The following UBXN2A variants were observed in gnomAD, a reference collection of about 807,000 sequenced individuals.
UBXN2A encodes the protein UBX domain-containing protein 2A.
In UBXN2A, 28 loss-of-function variants were observed where a neutral mutation model predicts 28.4. That is an observed-to-expected ratio of 0.99 (90% CI 0.73 to 1.35). UBXN2A has a LOEUF of 1.35. Ranked by LOEUF, UBXN2A falls within the 40% of genes most tolerant of loss-of-function variation. UBXN2A has a pLI of 0.00. For missense variants in UBXN2A, 253 were observed against 297.9 expected (o/e 0.85, Z 1.11); for synonymous variants, 97 against 103.6 (o/e 0.94, Z 0.39).
At chr2:23,977,565 C>T (rs1056208999) in intron 4 of UBXN2A, among the ~76,000 whole-genome samples, 1 of 150,952 alleles carries the variant, frequency 6.6e-6, no homozygotes, top group African/African-American at 2.4e-5. Flanking sequence ...CACTTGAACC[C>T]GAGAGGCGGA....
intron 1 of UBXN2A, among the ~76,000 whole-genome samples, chr2:23,954,782 G>T (rs1173069293): frequency 2.1e-5 from 3 of 145,442 alleles, no homozygotes; most frequent in East Asian, 4.0e-4. Flanking sequence ...TTAAGAGACA[G>T]ATTCTTGCTC....
rs544852548 is a variant in UBXN2A at position 23,987,181 on chromosome 2, A to T, written c.584+2350A>T. ...ATGTAATTTTTCTTTTTTTAAAAAA[A>T]TTTTTTTTCAGGAAATGTGGTACAG... On this transcript the variant is annotated intron_variant, in intron 6 of 6. Coordinates refer to ENST00000309033, the MANE Select transcript of UBXN2A (RefSeq NM_181713.4). Among the ~76,000 whole-genome samples the T allele has an allele frequency of 2.2e-4, 33 of 151,800 alleles. No homozygotes were observed. In the South Asian group the frequency reaches 2.9e-3, roughly 13 times the overall value.
chr2:23,951,427 T>G (rs1175060400), intron 1 of UBXN2A, among the ~76,000 whole-genome samples: 12 of 31,412 alleles, frequency 3.8e-4, no homozygotes, highest in African/African-American at 1.1e-3. Flanking sequence ...TATATATATA[T>G]ATATATATAT....
At chr2:23,934,927 T>C (rs1246407839) in intron 1 of UBXN2A, among the ~76,000 whole-genome samples, 1 of 151,976 alleles carries the variant, frequency 6.6e-6, no homozygotes, top group Admixed American at 6.6e-5. Flanking sequence ...TACAAAAAAT[T>C]AGCTGGGTGT....
intron 2 of UBXN2A, among the ~76,000 whole-genome samples, chr2:23,959,576 A>G (rs1339831344): frequency 6.6e-6 from 1 of 152,226 alleles, no homozygotes; most frequent in Non-Finnish European, 1.5e-5. Context: ...ATGATTTACT[A>G]GAAGAATTTG....
At chr2:23,956,721 G>A (rs1465530928) in intron 1 of UBXN2A, among the ~76,000 whole-genome samples, 1 of 152,154 alleles carries the variant, frequency 6.6e-6, no homozygotes, top group East Asian at 1.9e-4. Context: ...CTCTGCCCCA[G>A]CCCTGAAGTT....
At chr2:23,949,736 A>G (rs919603255) in intron 1 of UBXN2A, among the ~76,000 whole-genome samples, 2 of 151,464 alleles carry the variant, frequency 1.3e-5, no homozygotes, top group African/African-American at 4.9e-5. Context: ...TTAGCCAGGC[A>G]TGGTGGCACA....
chr2:23,957,430 A>G (rs1358162338), intron 1 of UBXN2A, among the ~76,000 whole-genome samples: 2 of 152,114 alleles, frequency 1.3e-5, no homozygotes, highest in Admixed American at 6.5e-5. Context: ...AGCCTTCTGA[A>G]TAACTGGGAC....
intron 6 of UBXN2A, among the ~76,000 whole-genome samples, chr2:23,998,593 GC>G (rs966976908): frequency 6.6e-6 from 1 of 152,052 alleles, no homozygotes; most frequent in African/African-American, 2.4e-5. Context: ...GGTGGCAGGC[GC>G]CTATAATCCC....
chr2:23,945,175 C>G (rs1236053782), intron 1 of UBXN2A, among the ~76,000 whole-genome samples: 2 of 152,040 alleles, frequency 1.3e-5, no homozygotes, highest in African/African-American at 4.8e-5. Flanking sequence ...CTTGGTCAGC[C>G]CTGGAATGAC....
intron 1 of UBXN2A, among the ~76,000 whole-genome samples, chr2:23,941,424 G>A (rs539858643): frequency 6.6e-5 from 10 of 152,318 alleles, no homozygotes; most frequent in African/African-American, 2.2e-4. Flanking sequence ...AGTGAATACA[G>A]AGTATCTTTT....
intron 6 of UBXN2A, among the ~76,000 whole-genome samples, chr2:23,995,474 G>A (rs1708493655): frequency 6.6e-6 from 1 of 151,898 alleles, no homozygotes; most frequent in Non-Finnish European, 1.5e-5. Flanking sequence ...GGCGGATCAC[G>A]AGGTCAGGAG....
intron 6 of UBXN2A, among the ~76,000 whole-genome samples, chr2:23,996,461 T>TTTTTTC (rs1237664095): frequency 2.6e-5 from 4 of 151,456 alleles, no homozygotes; most frequent in South Asian, 2.1e-4. Flanking sequence ...TTCTGTTTTC[T>TTTTTTC]TTTTTCTTTT....
intron 4 of UBXN2A, among the ~76,000 whole-genome samples, chr2:23,982,362 G>A (rs1051517178): frequency 6.0e-5 from 9 of 150,304 alleles, no homozygotes; most frequent in Admixed American, 2.0e-4. Flanking sequence ...GCAAGACTCC[G>A]TCTCAAAAAA....
chr2:23,992,456 G>A (rs1024858882), intron 6 of UBXN2A, among the ~76,000 whole-genome samples: 8 of 152,176 alleles, frequency 5.3e-5, no homozygotes, highest in Non-Finnish European at 8.8e-5. Context: ...CAGATTCTTC[G>A]TGGCATCTCT....
intron 1 of UBXN2A, among the ~76,000 whole-genome samples, chr2:23,928,638 TTTA>T (rs1325906665): frequency 6.6e-6 from 1 of 150,644 alleles, no homozygotes; most frequent in Non-Finnish European, 1.5e-5. Context: ...TGGGCAGGAG[TTTA>T]TTAAACTGTT....
intron 6 of UBXN2A, among the ~76,000 whole-genome samples, chr2:23,996,479 C>CTTTTTT (rs869068732): frequency 7.4e-6 from 1 of 134,856 alleles, no homozygotes; most frequent in South Asian, 2.3e-4. Flanking sequence ...TTTTCTTTTT[C>CTTTTTT]TTTTTTTTTT....
chr2:23,969,777 G>A (rs1265483555), intron 2 of UBXN2A, among the ~76,000 whole-genome samples: 1 of 152,144 alleles, frequency 6.6e-6, no homozygotes. Flanking sequence ...CTGTGATCAT[G>A]CAACTGCACT....
At chr2:23,944,194 A>T (rs1705918154) in intron 1 of UBXN2A, 1 of 1,469,636 alleles carries the variant, frequency 6.8e-7, no homozygotes, top group African/African-American at 1.4e-5. Context: ...GACACAACTA[A>T]GTTTGCACTC....
Sources: allele counts gnomAD v4.1 joint callset (sites outside exome capture counted in the v4.1 genomes callset), GRCh38; gene constraint gnomAD v4.1.1; transcripts MANE v1.5; gene names NCBI Gene and HGNC (gene_info 2026-07-23, HGNC 2026-07-21).